The following ZDHHC14 variants were observed in gnomAD, a reference collection of about 807,000 sequenced individuals.
ZDHHC14 encodes the protein palmitoyltransferase ZDHHC14.
Under a neutral mutation model 47.7 loss-of-function variants are expected in ZDHHC14, and 16 were observed. The observed-to-expected ratio is 0.34, with a 90% CI of 0.23 to 0.51. ZDHHC14 has a LOEUF of 0.51. Ranked by LOEUF, ZDHHC14 falls within the 20% of genes least tolerant of loss-of-function variation. The probability of loss-of-function intolerance (pLI) is 0.97; values close to 1 mark genes in which losing one functional copy is unlikely to be tolerated. For missense variants in ZDHHC14, 515 were observed against 662.5 expected (o/e 0.78, Z 2.44); for synonymous variants, 293 against 278.9 (o/e 1.05, Z -0.50).
chr6:157,608,195 C>A (rs1035191666), intron 3 of ZDHHC14, among the ~76,000 whole-genome samples: 5 of 152,178 alleles, frequency 3.3e-5, no homozygotes, highest in Non-Finnish European at 7.3e-5. Context: ...GCTCAGGGGG[C>A]GTCCTCAGAG....
chr6:157,565,694 TA>T (rs1782875270), intron 2 of ZDHHC14, among the ~76,000 whole-genome samples: 1 of 151,514 alleles, frequency 6.6e-6, no homozygotes, highest in Non-Finnish European at 1.5e-5. Context: ...TAATCCCAGC[TA>T]CTATGGGGGG....
At chr6:157,394,462 G>T (rs1055915390) in intron 1 of ZDHHC14, among the ~76,000 whole-genome samples, 3 of 152,170 alleles carry the variant, frequency 2.0e-5, no homozygotes, top group Non-Finnish European at 4.4e-5. Flanking sequence ...CACCTTTGGA[G>T]CCCTGAGCTG....
chr6:157,583,124 T>A (rs1370794187), intron 2 of ZDHHC14, among the ~76,000 whole-genome samples: 1 of 152,132 alleles, frequency 6.6e-6, no homozygotes, highest in East Asian at 1.9e-4. Context: ...CTGTATCATT[T>A]TATTGCAATT....
At chr6:157,397,718 T>A (rs1019620060) in intron 1 of ZDHHC14, among the ~76,000 whole-genome samples, 1 of 152,172 alleles carries the variant, frequency 6.6e-6, no homozygotes, top group Non-Finnish European at 1.5e-5. Flanking sequence ...GGGGGAACGT[T>A]ATTCTCCCTT....
chr6:157,469,262 G>A (rs1779298746), intron 1 of ZDHHC14, among the ~76,000 whole-genome samples: 1 of 152,136 alleles, frequency 6.6e-6, no homozygotes, highest in African/African-American at 2.4e-5. Context: ...CTTATATGGA[G>A]TTGATGAGCC....
At chr6:157,556,802 G>C (rs1297195106) in intron 2 of ZDHHC14, among the ~76,000 whole-genome samples, 2 of 152,208 alleles carry the variant, frequency 1.3e-5, no homozygotes, top group African/African-American at 4.8e-5. Context: ...GGAAGAGATG[G>C]CTGCCACCAG....
chr6:157,409,557 A>G (rs1427810419), intron 1 of ZDHHC14, among the ~76,000 whole-genome samples: 1 of 152,244 alleles, frequency 6.6e-6, no homozygotes, highest in Non-Finnish European at 1.5e-5. Context: ...CTGAGCACCA[A>G]CGGTAAGTCA....
chr6:157,595,800 C>T (rs983523127), intron 3 of ZDHHC14, among the ~76,000 whole-genome samples: 3 of 152,166 alleles, frequency 2.0e-5, no homozygotes, highest in Non-Finnish European at 4.4e-5. Context: ...TATAATAGGC[C>T]AGGAGCCAGG....
chr6:157,496,304 C>T (rs1780062744), intron 1 of ZDHHC14, among the ~76,000 whole-genome samples: 1 of 152,088 alleles, frequency 6.6e-6, no homozygotes, highest in Non-Finnish European at 1.5e-5. Flanking sequence ...CCTCATGTGG[C>T]CTGTTGGGTA....
In ZDHHC14 at chr6:157,675,078, C is replaced by T. The variant is rs1778948512; in HGVS notation, c.*1956C>T. On this transcript the variant is annotated 3_prime_UTR_variant, in exon 9 of 9. Transcript: ENST00000359775. ...AAGGAGCTTCCACAACTTCCCAAAC[C>T]GTCTCTGCTCCTTGCTTTCTTCCAC... 6.6e-6 allele frequency: 1 copy of T among 152,390 alleles called. No individual in the cohort carries two copies. Among genetic ancestry groups the T allele is most frequent in the East Asian group, 1.9e-4 (1 of 5,184 alleles). The allele number at this position is 152,390 out of a possible 1,614,324, so 9.4% of individuals were successfully genotyped here. A position where few individuals can be genotyped will look rare whatever the true frequency, so the allele number is the denominator to read the frequency against.
intron 1 of ZDHHC14, among the ~76,000 whole-genome samples, chr6:157,478,139 G>A (rs1033593078): frequency 7.9e-5 from 12 of 152,140 alleles, no homozygotes; most frequent in East Asian, 7.7e-4. Flanking sequence ...TTAAGACCAC[G>A]TCATTGGCAA....
chr6:157,456,859 AGTTGTG>A (rs1485679671), intron 1 of ZDHHC14, among the ~76,000 whole-genome samples: 4 of 152,064 alleles, frequency 2.6e-5, no homozygotes, highest in African/African-American at 4.8e-5. Flanking sequence ...ACAAAGACTG[AGTTGTG>A]GGCCGGGCGT....
intron 2 of ZDHHC14, among the ~76,000 whole-genome samples, chr6:157,557,953 T>C (rs2114835489): frequency 6.6e-6 from 1 of 152,354 alleles, no homozygotes; most frequent in Non-Finnish European, 1.5e-5. Context: ...TAGTCTATAA[T>C]GTGAGCCACA....
In ZDHHC14 at chr6:157,460,405, GAAAAAAAAAAAA is replaced by G. The variant is rs1164382844; in HGVS notation, c.245+78158_245+78169del. Reference sequence around the variant, plus strand: ...CAGAGCCAGACTCACTCTCTCTCTGGAAAAAAAAAAAAAAAAAAAAAAAAAAAAAAGAGTCAT... The same window carrying G: ...CAGAGCCAGACTCACTCTCTCTCTGGAAAAAAAAAAAAAAAAAAGAGTCAT... On this transcript the variant is annotated intron_variant, in intron 1 of 8. Transcript: ENST00000359775. Among the ~76,000 whole-genome samples the G allele has an allele frequency of 1.5e-3, 65 of 43,390 alleles. No individual in the cohort carries two copies. In the South Asian group the frequency reaches 0.032, roughly 22 times the overall value. The allele number at this position is 43,390 out of a possible 152,430, so 28.5% of individuals were successfully genotyped here. A position where few individuals can be genotyped will look rare whatever the true frequency, so the allele number is the denominator to read the frequency against.
intron 1 of ZDHHC14, among the ~76,000 whole-genome samples, chr6:157,533,420 G>A (rs902917390): frequency 1.3e-5 from 2 of 152,184 alleles, no homozygotes; most frequent in East Asian, 1.9e-4. Flanking sequence ...GAGATTGTGT[G>A]CAGCACAGTC....
At chr6:157,440,315 A>G (rs749157200) in intron 1 of ZDHHC14, among the ~76,000 whole-genome samples, 13 of 152,286 alleles carry the variant, frequency 8.5e-5, no homozygotes, top group Non-Finnish European at 1.6e-4. Context: ...AAATAGAGAA[A>G]TTAGTCACTA....
intron 2 of ZDHHC14, among the ~76,000 whole-genome samples, chr6:157,544,512 G>A (rs557978548): frequency 3.3e-5 from 5 of 152,138 alleles, no homozygotes; most frequent in Non-Finnish European, 7.4e-5. Context: ...GGCAGGGTGT[G>A]GTGGTGCGAG....
Position 157,676,777 on chromosome 6 carries a change from C to T in ZDHHC14, c.*3655C>T, listed in dbSNP as rs1039328099. On this transcript the variant is annotated 3_prime_UTR_variant, in exon 9 of 9. Coordinates refer to ENST00000359775, the MANE Select transcript of ZDHHC14 (RefSeq NM_024630.3). ...GCCCACCTGACTACCCTGCAGCAAA[C>T]GCTTCTCTGTAACCTGACTTCTCCC... is the stretch of plus-strand genomic sequence containing the variant. The T allele has an allele frequency of 1.3e-5, 2 of 152,296 alleles. No homozygotes were observed. The highest frequency in any genetic ancestry group is 6.5e-5 in the Admixed American group (1 of 15,288). 9.4% of individuals were successfully genotyped at this position (152,296 alleles called of 1,614,324 possible).
chr6:157,470,567 G>C (rs1779329620), intron 1 of ZDHHC14, among the ~76,000 whole-genome samples: 1 of 152,166 alleles, frequency 6.6e-6, no homozygotes, highest in African/African-American at 2.4e-5. Context: ...CAAAAGACTG[G>C]ATTTGAAAAT....
Sources: allele counts gnomAD v4.1 joint callset (sites outside exome capture counted in the v4.1 genomes callset), GRCh38; gene constraint gnomAD v4.1.1; transcripts MANE v1.5; gene names NCBI Gene and HGNC (gene_info 2026-07-23, HGNC 2026-07-21).